Variants in GRID1 observed in about 807,000 individuals in gnomAD.
The protein encoded by GRID1 is glutamate receptor ionotropic, delta-1.
In GRID1, 28 loss-of-function variants were observed where a neutral mutation model predicts 98.0. The ratio of observed to expected loss-of-function variants is 0.29; its 90% confidence interval spans 0.21 to 0.39. The LOEUF is 0.39. Among genes scored for constraint, GRID1 ranks in the 10% least tolerant of loss-of-function variants. The probability of loss-of-function intolerance (pLI) is 1.00; values close to 1 mark genes in which losing one functional copy is unlikely to be tolerated. For missense variants in GRID1, 1,111 were observed against 1,340.5 expected (o/e 0.83, Z 2.67); for synonymous variants, 553 against 538.5 (o/e 1.03, Z -0.37).
intron 4 of GRID1, among the ~76,000 whole-genome samples, chr10:86,073,576 G>A (rs944927690): frequency 1.3e-5 from 2 of 152,230 alleles, no homozygotes; most frequent in Non-Finnish European, 2.9e-5. Flanking sequence ...AGGGGGTGAA[G>A]GAGGCTGGGC....
At chr10:85,772,193 G>A (rs1182962541) in intron 8 of GRID1, among the ~76,000 whole-genome samples, 2 of 152,054 alleles carry the variant, frequency 1.3e-5, no homozygotes, top group African/African-American at 4.8e-5. Flanking sequence ...CAACTACATG[G>A]AAACTGAACA....
In GRID1 at chr10:85,856,253, C is replaced by T. The variant is rs542073823; in HGVS notation, c.952-63G>A. 2.0e-5 allele frequency: 29 copies of T among 1,455,770 alleles called. No individual in the cohort carries two copies. In the East Asian group the frequency reaches 6.6e-4, roughly 33 times the overall value. 90.2% of individuals were successfully genotyped at this position (1,455,770 alleles called of 1,614,324 possible). On this transcript the variant is annotated intron_variant, in intron 6 of 15. Coordinates refer to ENST00000327946, the MANE Select transcript of GRID1 (RefSeq NM_017551.3). Reference sequence around the variant, plus strand: ...GCATTTCTAGAGAGCTTTGGAGAAACCCACAGAAAGGAGGAGGAATGCAGG... The same window carrying T: ...GCATTTCTAGAGAGCTTTGGAGAAATCCACAGAAAGGAGGAGGAATGCAGG...
At chr10:86,117,354 C>T (rs926228071) in intron 4 of GRID1, among the ~76,000 whole-genome samples, 3 of 151,604 alleles carry the variant, frequency 2.0e-5, no homozygotes, top group Non-Finnish European at 4.4e-5. Context: ...ACCACTAACA[C>T]CATTACCACA....
At chr10:86,016,598 G>A (rs1025890816) in intron 4 of GRID1, among the ~76,000 whole-genome samples, 4 of 152,140 alleles carry the variant, frequency 2.6e-5, no homozygotes, top group African/African-American at 9.7e-5. Flanking sequence ...CTAGCACAAA[G>A]TAGTCCTCCA....
At chr10:86,139,150 C>T (rs1367500961) in intron 3 of GRID1, 126 bp from the exon 4 acceptor site, 6 of 677,584 alleles carry the variant, frequency 8.9e-6, no homozygotes, top group Middle Eastern at 3.8e-4. Context: ...TCCAAGTCAG[C>T]CTCAGTGATT....
At chr10:85,901,359 A>G (rs1485465284) in intron 5 of GRID1, among the ~76,000 whole-genome samples, 1 of 151,692 alleles carries the variant, frequency 6.6e-6, no homozygotes, top group Non-Finnish European at 1.5e-5. Context: ...CCATTCTCCC[A>G]CCTCAGCCTC....
intron 4 of GRID1, among the ~76,000 whole-genome samples, chr10:86,018,108 T>C (rs1843002361): frequency 6.6e-6 from 1 of 152,164 alleles, no homozygotes; most frequent in Non-Finnish European, 1.5e-5. Context: ...AAGAGAACGA[T>C]ATGGAGCAAC....
rs576594983 is a variant in GRID1, at chr10:85,793,745, A to G, written c.1233+60751T>C. On this transcript the variant is annotated intron_variant, in intron 8 of 15. Coordinates refer to ENST00000327946, the MANE Select transcript of GRID1 (RefSeq NM_017551.3). ...GAAAACTATATGAAAAAATAAAAGC[A>G]TTATTATAGTGAGAATCAATCAACA... Among the ~76,000 whole-genome samples the G allele has an allele frequency of 2.0e-5, 3 of 152,328 alleles. No individual in the cohort carries two copies. In the South Asian group the frequency reaches 6.2e-4, roughly 32 times the overall value.
At chr10:86,276,504 T>A (rs1365767482) in intron 2 of GRID1, among the ~76,000 whole-genome samples, 6 of 129,046 alleles carry the variant, frequency 4.6e-5, no homozygotes, top group African/African-American at 1.9e-4. Context: ...TCAATACGAC[T>A]TTTTTTTTTT....
At chr10:85,982,917 A>AAC (rs951906515) in intron 4 of GRID1, among the ~76,000 whole-genome samples, 54 of 152,316 alleles carry the variant, frequency 3.5e-4, no homozygotes, top group African/African-American at 1.3e-3. Flanking sequence ...TTAAATCAAG[A>AAC]CTGTAAAAAC....
intron 3 of GRID1, among the ~76,000 whole-genome samples, chr10:86,148,862 T>G (rs1382736755): frequency 1.3e-5 from 2 of 152,146 alleles, no homozygotes. Flanking sequence ...AGCACAAGCC[T>G]GGGTTCACTA....
At chr10:85,817,511 G>C (rs192464920) in intron 8 of GRID1, among the ~76,000 whole-genome samples, 2 of 151,202 alleles carry the variant, frequency 1.3e-5, no homozygotes, top group Non-Finnish European at 3.0e-5. Context: ...GGATGACAGA[G>C]CAAGACTCTA....
chr10:85,710,075 T>C (rs189565436), intron 12 of GRID1, among the ~76,000 whole-genome samples: 116 of 152,274 alleles, frequency 7.6e-4, no homozygotes, highest in Non-Finnish European at 1.3e-3. Context: ...ACTAATTCAA[T>C]GCAATCTCTA....
intron 3 of GRID1, among the ~76,000 whole-genome samples, chr10:86,171,971 G>C (rs2131993868): frequency 6.6e-6 from 1 of 152,084 alleles, no homozygotes; most frequent in South Asian, 2.1e-4. Flanking sequence ...TGATGTGGTT[G>C]GTATATTTTT....
At chr10:85,750,615 T>C (rs1842037737) in intron 8 of GRID1, among the ~76,000 whole-genome samples, 1 of 152,190 alleles carries the variant, frequency 6.6e-6, no homozygotes, top group Admixed American at 6.5e-5. Context: ...CTAGCAATGA[T>C]ATCTAGAAAT....
At chr10:85,650,525 A>C (rs1481997599) in intron 12 of GRID1, among the ~76,000 whole-genome samples, 2 of 152,196 alleles carry the variant, frequency 1.3e-5, no homozygotes, top group African/African-American at 2.4e-5. Context: ...AGTGCACACC[A>C]AGCAAGGAAT....
At chr10:85,748,606 A>G (rs1842018269) in intron 8 of GRID1, among the ~76,000 whole-genome samples, 1 of 152,200 alleles carries the variant, frequency 6.6e-6, no homozygotes, top group Admixed American at 6.5e-5. Context: ...AACCCTTTTT[A>G]GCCTCAAGTT....
At chr10:85,647,473 G>T in intron 12 of GRID1, 76 bp from the exon 13 acceptor site, 1 of 1,165,210 alleles carries the variant, frequency 8.6e-7, no homozygotes, top group Non-Finnish European at 1.3e-6. Flanking sequence ...TGGGCTGCAA[G>T]GCCCTTCTGA....
At position 85,738,967 on chromosome 10, in the gene GRID1, A is replaced by G. The variant is rs142169047; in HGVS notation, c.1234-9353T>C. On this transcript the variant is annotated intron_variant, in intron 8 of 15. Coordinates refer to ENST00000327946, the MANE Select transcript of GRID1 (RefSeq NM_017551.3). The stretch of plus-strand genomic sequence containing the variant: ...CATTTGTCAGAGCTGATCAAACACC[A>G]TATACCTCAAATGGATAGATTTATT... Among the ~76,000 whole-genome samples the G allele has an allele frequency of 1.5e-3, 224 of 152,282 alleles. 1 individual carries two copies. Among genetic ancestry groups the G allele is most frequent in the African/African-American group, 5.1e-3 (213 of 41,564 alleles).
Sources: gnomAD v4.1 joint callset for allele counts (sites outside exome capture counted in the v4.1 genomes callset) on GRCh38, gnomAD v4.1.1 for gene constraint, MANE v1.5 for transcripts, NCBI Gene and HGNC (gene_info 2026-07-23, HGNC 2026-07-21) for gene names.